The following ALG12 variants were observed in gnomAD, a reference collection of about 807,000 sequenced individuals.
The protein encoded by ALG12 is dol-P-Man:Man(7)GlcNAc(2)-PP-Dol alpha-1,6-mannosyltransferase.
A neutral mutation model predicts 46.0 loss-of-function variants in ALG12; 36 were observed. The observed-to-expected ratio is 0.78, with a 90% CI of 0.60 to 1.03. The LOEUF (loss-of-function observed/expected upper bound fraction) is 1.03, where lower values mean the gene tolerates loss of function less well. Ranked by LOEUF, ALG12 falls within the 50% of genes least tolerant of loss-of-function variation. The pLI is 0.00. For missense variants in ALG12, 599 were observed against 633.5 expected, an observed-to-expected ratio of 0.95 and a Z score of 0.58; for synonymous variants, 326 against 291.6, an observed-to-expected ratio of 1.12 and a Z score of -1.20.
At chr22:49,884,931 C>T in the ALG12 span, 35 of 1,606,528 alleles carry the variant, frequency 2.2e-5, no homozygotes, top group Non-Finnish European at 2.7e-5. Context: ...TAGGGGAGGC[C>T]TCGGCGTCCT....
intron 5 of ALG12, among the ~76,000 whole-genome samples, chr22:49,909,630 C>T (rs1009258754): frequency 2.0e-5 from 3 of 152,168 alleles, no homozygotes; most frequent in South Asian, 2.1e-4. Context: ...CACCGCCTGG[C>T]GCAGGGACAA....
chr22:49,885,424 C>G, the ALG12 span: 3 of 1,608,608 alleles, frequency 1.9e-6, no homozygotes, highest in Non-Finnish European at 2.6e-6. Flanking sequence ...GACCATCAGC[C>G]GGGGGAAGAA....
the ALG12 span, among the ~76,000 whole-genome samples, chr22:49,868,265 T>C: frequency 6.8e-3 from 1,033 of 152,332 alleles, 9 homozygotes; most frequent in African/African-American, 0.023. Context: ...AAATAAAATA[T>C]AGGCAGTGTT....
Position 49,910,057 on chromosome 22 carries a change from G to A in ALG12, c.501C>T (p.His167=), listed in dbSNP as rs149845730. ...ACAGCCAGATGAAGCGGGCCCACTC[G>A]TGCCGCAGCCAGGCCGCGAGGGCCA... The part of the protein sequence containing the change: ...VLLALAAWLR[H]EWARFIWLSA... Residue 167 remains histidine (H), a synonymous_variant, in exon 5 of 10, where the codon CAC becomes CAT. Coordinates refer to ENST00000330817, the MANE Select transcript of ALG12 (RefSeq NM_024105.4). 4.0e-4 allele frequency: 637 copies of A among 1,612,216 alleles called. 4 individuals are homozygous for A. In the African/African-American group the frequency reaches 7.1e-3, roughly 18 times the overall value.
At chr22:49,876,317 TC>T in the ALG12 span, among the ~76,000 whole-genome samples, 1 of 152,210 alleles carries the variant, frequency 6.6e-6, no homozygotes, top group Non-Finnish European at 1.5e-5. Flanking sequence ...GTTTGAATCT[TC>T]CGTGTCTTTA....
chr22:49,907,698 C>T (rs1331803832), intron 7 of ALG12, 23 bp downstream of exon 7: 3 of 1,606,740 alleles, frequency 1.9e-6, no homozygotes, highest in Non-Finnish European at 1.7e-6. Context: ...TATAAAAATG[C>T]ATGTCACAAA....
Position 49,903,556 on chromosome 22 carries a change from G to C in ALG12, c.*282C>G, listed in dbSNP as rs2060525803. On this transcript the variant is annotated 3_prime_UTR_variant, in exon 10 of 10. Coordinates refer to ENST00000330817, the MANE Select transcript of ALG12 (RefSeq NM_024105.4). Reference sequence around the variant, plus strand: ...TTAGTCATGAATGGCACCTGGTCTGGGCGACAGTCACCCGCAGGAAGCCCT... The same window carrying C: ...TTAGTCATGAATGGCACCTGGTCTGCGCGACAGTCACCCGCAGGAAGCCCT... The C allele has an allele frequency of 1.6e-6, 1 of 620,228 alleles. No homozygotes were observed. Among genetic ancestry groups the C allele is most frequent in the African/African-American group, 1.8e-5 (1 of 55,566 alleles). 38.4% of individuals were successfully genotyped at this position (620,228 alleles called of 1,614,324 possible).
chr22:49,901,903 T>C lies in ALG12; in HGVS notation c.*1935A>G, dbSNP rs903439745. On this transcript the variant is annotated 3_prime_UTR_variant, in exon 10 of 10. Coordinates refer to ENST00000330817, the MANE Select transcript of ALG12 (RefSeq NM_024105.4). ...TGTGTGCACGTGTGCACTGTGTGTA[T>C]GCATGGTAATGTGCACGCATGCACT... 3.0e-5 allele frequency: 4 copies of C among 132,610 alleles called. No homozygotes were observed. Among genetic ancestry groups the C allele is most frequent in the East Asian group, 2.4e-4 (1 of 4,126 alleles). The allele number at this position is 132,610 out of a possible 1,614,324, so 8.2% of individuals were successfully genotyped here.
the ALG12 span, among the ~76,000 whole-genome samples, chr22:49,892,560 A>G: frequency 1.3e-5 from 2 of 152,236 alleles, no homozygotes; most frequent in Non-Finnish European, 2.9e-5. Flanking sequence ...TATAGCAGCA[A>G]AAGGCTGGAA....
chr22:49,887,277 T>G, the ALG12 span: 1 of 1,322,684 alleles, frequency 7.6e-7, no homozygotes, highest in Non-Finnish European at 1.0e-6. Context: ...GTGTACGACA[T>G]CAGACCAGGC....
the ALG12 span, among the ~76,000 whole-genome samples, chr22:49,871,476 C>T: frequency 6.6e-6 from 1 of 151,940 alleles, no homozygotes; most frequent in South Asian, 2.1e-4. Flanking sequence ...GAGTGAGACT[C>T]TGTCTCAAAA....
intron 3 of ALG12, 150 bp from the exon 4 acceptor site, chr22:49,910,757 T>C: frequency 1.1e-6 from 1 of 931,828 alleles, no homozygotes; most frequent in Non-Finnish European, 1.7e-6. Context: ...AAAGCAGCCT[T>C]GAGGGCATCG....
intron 4 of ALG12, 145 bp downstream of exon 4, chr22:49,910,289 C>A: frequency 7.8e-7 from 1 of 1,276,900 alleles, no homozygotes. Flanking sequence ...AAACAAAGAG[C>A]CTGGTTTCAG....
chr22:49,871,762 T>TTATTTA, the ALG12 span, among the ~76,000 whole-genome samples: 1 of 149,178 alleles, frequency 6.7e-6, no homozygotes, highest in African/African-American at 2.5e-5. Flanking sequence ...TATTTATTTT[T>TTATTTA]TTTTTTTTTT....
downstream of ALG12, among the ~76,000 whole-genome samples, chr22:49,897,278 C>T (rs1424105339): frequency 2.0e-5 from 3 of 152,198 alleles, no homozygotes; most frequent in Non-Finnish European, 4.4e-5. Context: ...AATACACCTG[C>T]TATGAATATC....
the ALG12 span, chr22:49,883,950 C>T: frequency 7.4e-6 from 12 of 1,613,624 alleles, no homozygotes; most frequent in South Asian, 2.2e-5. Context: ...CCCTATACGA[C>T]GTGGCCATGG....
Position 49,901,205 on chromosome 22 carries a change from C to G in ALG12, c.*2633G>C, listed in dbSNP as rs542965004. 1 of 152,280 alleles carries G rather than the reference C, an allele frequency of 6.6e-6. No individual in the cohort carries two copies. Among genetic ancestry groups the G allele is most frequent in the Non-Finnish European group, 1.5e-5 (1 of 68,070 alleles). The allele number at this position is 152,280 out of a possible 1,614,324, so 9.4% of individuals were successfully genotyped here. The stretch of plus-strand genomic sequence containing the variant: ...AACGAGCGTGGATAACCAGTGAATA[C>G]CTGAGACACACAGGTGGATGGATGG... On this transcript the variant is annotated 3_prime_UTR_variant, in exon 10 of 10. Coordinates refer to ENST00000330817, the MANE Select transcript of ALG12 (RefSeq NM_024105.4).
rs2060502531 is a variant in ALG12, at chr22:49,901,119, T to C, written c.*2719A>G. 1 of 152,122 alleles carries C rather than the reference T, an allele frequency of 6.6e-6. No individual in the cohort carries two copies. Among genetic ancestry groups the C allele is most frequent in the Non-Finnish European group, 1.5e-5 (1 of 68,030 alleles). 9.4% of individuals were successfully genotyped at this position (152,122 alleles called of 1,614,324 possible). ...ACACCAGGATAATTAAAGACAGGAG[T>C]GACTCACAGACCACTGAAGTCGGGA... On this transcript the variant is annotated 3_prime_UTR_variant, in exon 10 of 10. Coordinates refer to ENST00000330817, the MANE Select transcript of ALG12 (RefSeq NM_024105.4).
intron 3 of ALG12, among the ~76,000 whole-genome samples, chr22:49,911,901 T>G (rs1211583496): frequency 2.6e-5 from 4 of 152,186 alleles, no homozygotes; most frequent in Non-Finnish European, 5.9e-5. Context: ...GTCTCTTCTC[T>G]TGGTTTTCCA....
Sources: gnomAD v4.1 joint callset for allele counts (sites outside exome capture counted in the v4.1 genomes callset) on GRCh38, gnomAD v4.1.1 for gene constraint, MANE v1.5 for transcripts, NCBI Gene and HGNC (gene_info 2026-07-23, HGNC 2026-07-21) for gene names.